Variants in PID1 observed in about 807,000 individuals in gnomAD.
PID1 encodes the protein PTB-containing, cubilin and LRP1-interacting protein.
Under a neutral mutation model 19.1 loss-of-function variants are expected in PID1, and 10 were observed. That is an observed-to-expected ratio of 0.52 (90% CI 0.32 to 0.89). PID1 has a LOEUF of 0.89. Among genes scored for constraint, PID1 ranks in the 40% least tolerant of loss-of-function variants. PID1 has a pLI of 0.03. For synonymous variants in PID1, 130 were observed against 116.0 expected (o/e 1.12, Z -0.78); for missense variants, 248 against 285.3 (o/e 0.87, Z 0.94).
At chr2:229,093,823 A>G (rs1356526842) in intron 2 of PID1, among the ~76,000 whole-genome samples, 1 of 152,190 alleles carries the variant, frequency 6.6e-6, no homozygotes, top group African/African-American at 2.4e-5. Flanking sequence ...AATAAATGTC[A>G]TATATGACAA....
intron 1 of PID1, among the ~76,000 whole-genome samples, chr2:229,267,040 C>T (rs1377409863): frequency 6.6e-6 from 1 of 152,190 alleles, no homozygotes; most frequent in Non-Finnish European, 1.5e-5. Flanking sequence ...GAACGATCCA[C>T]ACTCCAAGTC....
intron 1 of PID1, among the ~76,000 whole-genome samples, chr2:229,206,265 A>C (rs1024625729): frequency 2.0e-5 from 3 of 152,016 alleles, no homozygotes; most frequent in African/African-American, 7.2e-5. Context: ...ACAAAAAAAA[A>C]AAACCCCAAA....
intron 1 of PID1, among the ~76,000 whole-genome samples, chr2:229,269,369 C>T (rs1690675552): frequency 6.6e-6 from 1 of 152,226 alleles, no homozygotes; most frequent in South Asian, 2.1e-4. Flanking sequence ...AGCGAGAGCG[C>T]CCACCTGCCA....
intron 1 of PID1, among the ~76,000 whole-genome samples, chr2:229,172,892 C>A (rs146509027): frequency 6.6e-6 from 1 of 151,984 alleles, no homozygotes; most frequent in African/African-American, 2.4e-5. Flanking sequence ...CCACCATGCC[C>A]GGCTGATTTT....
intron 2 of PID1, among the ~76,000 whole-genome samples, chr2:229,029,978 G>A (rs989629087): frequency 6.6e-6 from 1 of 151,990 alleles, no homozygotes; most frequent in Non-Finnish European, 1.5e-5. Context: ...ATTTACAATA[G>A]CTAAAAAGTA....
intron 1 of PID1, among the ~76,000 whole-genome samples, chr2:229,230,321 C>G (rs923720860): frequency 6.6e-6 from 1 of 152,192 alleles, no homozygotes; most frequent in African/African-American, 2.4e-5. Flanking sequence ...GAGGGAGAGA[C>G]AGAGACTGAC....
In PID1 at chr2:229,086,910, TACACACACAC is replaced by T. The variant is rs3083831; in HGVS notation, c.178-60812_178-60803del. Among the ~76,000 whole-genome samples, 846 of 150,156 alleles carry T rather than the reference TACACACACAC, an allele frequency of 5.6e-3. 10 individuals carry two copies. Among genetic ancestry groups the T allele is most frequent in the African/African-American group, 0.02 (821 of 40,946 alleles). On this transcript the variant is annotated intron_variant, in intron 2 of 2. Transcript: ENST00000392055. ...AGTTAAGTATGCTTGCACACGTGTG[TACACACACAC>T]ACACACACACACACACACTGAGAAG...
At chr2:229,184,974 ATATATATAC>A (rs1339248176) in intron 1 of PID1, among the ~76,000 whole-genome samples, 12 of 31,174 alleles carry the variant, frequency 3.8e-4, no homozygotes, top group African/African-American at 1.2e-3. Flanking sequence ...TATATATACT[ATATATATAC>A]TATATATATC....
intron 1 of PID1, among the ~76,000 whole-genome samples, chr2:229,251,944 T>TAAAA (rs11284650): frequency 1.5e-3 from 109 of 71,206 alleles, no homozygotes; most frequent in South Asian, 2.0e-3. Flanking sequence ...AACCATAAGC[T>TAAAA]AAAAAAAAAA....
intron 2 of PID1, among the ~76,000 whole-genome samples, chr2:229,078,524 C>T (rs898810501): frequency 1.3e-5 from 2 of 152,140 alleles, no homozygotes; most frequent in African/African-American, 4.8e-5. Flanking sequence ...ATGATATTAG[C>T]TGTGGGTTTG....
chr2:229,043,985 C>T (rs1693825168), intron 2 of PID1, among the ~76,000 whole-genome samples: 1 of 152,220 alleles, frequency 6.6e-6, no homozygotes, highest in East Asian at 1.9e-4. Context: ...GGGCCCCTTC[C>T]ATATTTCAGG....
chr2:229,259,419 ATCTCTGCC>A (rs999442274), intron 1 of PID1, among the ~76,000 whole-genome samples: 2 of 152,204 alleles, frequency 1.3e-5, no homozygotes, highest in African/African-American at 4.8e-5. Flanking sequence ...GTTCTAAGGA[ATCTCTGCC>A]CAACCCAGAG....
At chr2:229,033,930 G>C (rs1420998067) in intron 2 of PID1, among the ~76,000 whole-genome samples, 1 of 152,180 alleles carries the variant, frequency 6.6e-6, no homozygotes, top group African/African-American at 2.4e-5. Context: ...AAAAGGCAAA[G>C]GGTGCAACAT....
intron 1 of PID1, among the ~76,000 whole-genome samples, chr2:229,162,863 A>G (rs1006061503): frequency 1.3e-5 from 2 of 152,212 alleles, no homozygotes; most frequent in Non-Finnish European, 2.9e-5. Context: ...TTAATAAGAT[A>G]TCTTGCTTAT....
chr2:229,222,237 A>G (rs896765013), intron 1 of PID1, among the ~76,000 whole-genome samples: 2 of 152,148 alleles, frequency 1.3e-5, no homozygotes, highest in African/African-American at 4.8e-5. Context: ...ACTTACCCTG[A>G]ATCACATGCC....
intron 2 of PID1, among the ~76,000 whole-genome samples, chr2:229,029,755 G>T (rs144974608): frequency 1.3e-5 from 2 of 150,894 alleles, no homozygotes; most frequent in Non-Finnish European, 2.9e-5. Context: ...CAGGAGAATC[G>T]CTTGAAACCG....
At chr2:229,194,075 C>T (rs892992892) in intron 1 of PID1, among the ~76,000 whole-genome samples, 1 of 152,056 alleles carries the variant, frequency 6.6e-6, no homozygotes. Flanking sequence ...AATGAAAATT[C>T]TGGGAGGGAA....
At chr2:229,222,682 G>T (rs1007566950) in intron 1 of PID1, among the ~76,000 whole-genome samples, 15 of 152,158 alleles carry the variant, frequency 9.9e-5, no homozygotes, top group Non-Finnish European at 4.4e-5. Flanking sequence ...AGAATGCAAG[G>T]TTGAGTAGGA....
At chr2:229,142,944 C>T (rs1484646798) in intron 2 of PID1, among the ~76,000 whole-genome samples, 2 of 147,440 alleles carry the variant, frequency 1.4e-5, no homozygotes, top group Non-Finnish European at 3.0e-5. Flanking sequence ...TTGGAACCAA[C>T]CCAAATGTCC....
Sources: allele counts gnomAD v4.1 joint callset (sites outside exome capture counted in the v4.1 genomes callset), GRCh38; gene constraint gnomAD v4.1.1; transcripts MANE v1.5; gene names NCBI Gene and HGNC (gene_info 2026-07-23, HGNC 2026-07-21).